C2orf76: variants seen among roughly 807,000 people sequenced by gnomAD.
C2orf76 encodes chromosome 2 open reading frame 76.
Under a neutral mutation model 16.9 loss-of-function variants are expected in C2orf76, and 23 were observed. The ratio of observed to expected loss-of-function variants is 1.36; its 90% confidence interval spans 0.98 to 1.93. The LOEUF is 1.93. C2orf76 is among the 30% of genes most tolerant of loss of function. C2orf76 has a pLI of 0.00. For missense variants in C2orf76, 152 were observed against 152.6 expected (o/e 1.00, Z 0.02); for synonymous variants, 48 against 52.3 (o/e 0.92, Z 0.35).
chr2:119,300,278 C>A (rs1395388506), downstream of C2orf76, among the ~76,000 whole-genome samples: 1 of 152,216 alleles, frequency 6.6e-6, no homozygotes, highest in African/African-American at 2.4e-5. Flanking sequence ...CCAAGAACCT[C>A]CCCAATCCTC....
chr2:119,300,210 A>G (rs1189041725), downstream of C2orf76, among the ~76,000 whole-genome samples: 1 of 152,228 alleles, frequency 6.6e-6, no homozygotes, highest in Non-Finnish European at 1.5e-5. Flanking sequence ...ATGAGATAAC[A>G]TATGTAAATT....
intron 2 of C2orf76, among the ~76,000 whole-genome samples, chr2:119,333,942 C>A (rs1013922109): frequency 6.6e-6 from 1 of 152,106 alleles, no homozygotes; most frequent in East Asian, 1.9e-4. Context: ...GTGTTCAATG[C>A]ATGTTTCTCT....
chr2:119,297,325 A>G (rs886464063), downstream of C2orf76, among the ~76,000 whole-genome samples: 1 of 152,240 alleles, frequency 6.6e-6, no homozygotes, highest in Non-Finnish European at 1.5e-5. Flanking sequence ...CTTCTCAACC[A>G]TCTTTAAGAG....
chr2:119,289,655 C>T, the C2orf76 span, among the ~76,000 whole-genome samples: 1 of 151,106 alleles, frequency 6.6e-6, no homozygotes, highest in African/African-American at 2.4e-5. Context: ...CACTGCACTC[C>T]AGCCTGGCGA....
chr2:119,341,184 G>A (rs1295788621), intron 1 of C2orf76, among the ~76,000 whole-genome samples: 2 of 151,972 alleles, frequency 1.3e-5, no homozygotes, highest in African/African-American at 4.8e-5. Context: ...ATCTTGTTTT[G>A]TTTTGTTTGA....
chr2:119,343,541 T>C (rs754033502), intron 1 of C2orf76, among the ~76,000 whole-genome samples: 6 of 151,912 alleles, frequency 3.9e-5, no homozygotes, highest in Non-Finnish European at 8.8e-5. Flanking sequence ...TGCAGCCCAG[T>C]GTCCCTAAGA....
intron 1 of C2orf76, among the ~76,000 whole-genome samples, chr2:119,340,651 G>A (rs572674675): frequency 6.6e-6 from 1 of 152,038 alleles, no homozygotes; most frequent in Admixed American, 6.6e-5. Flanking sequence ...AAGATGAGAA[G>A]ACTGACTTGG....
intron 1 of C2orf76, among the ~76,000 whole-genome samples, chr2:119,356,470 G>T (rs373606779): frequency 6.6e-6 from 1 of 150,910 alleles, no homozygotes; most frequent in Non-Finnish European, 1.5e-5. Flanking sequence ...GCACTGTGAA[G>T]AGGAAAATGT....
chr2:119,338,485 T>G (rs1679921181), intron 2 of C2orf76, among the ~76,000 whole-genome samples: 1 of 152,152 alleles, frequency 6.6e-6, no homozygotes, highest in Admixed American at 6.5e-5. Context: ...CTCTAAAATT[T>G]TACTGTTCTT....
chr2:119,366,330 A>C (rs927109504), intron 1 of C2orf76: 1 of 431,600 alleles, frequency 2.3e-6, no homozygotes, highest in African/African-American at 2.1e-5. Flanking sequence ...CAAGACAAAT[A>C]AGACACCGTC....
chr2:119,331,088 T>C (rs1679664483), intron 2 of C2orf76, among the ~76,000 whole-genome samples: 1 of 152,204 alleles, frequency 6.6e-6, no homozygotes, highest in Admixed American at 6.5e-5. Flanking sequence ...CCTGTTAAGT[T>C]CTGATTTGAT....
chr2:119,334,947 C>T (rs1361829202), intron 2 of C2orf76, among the ~76,000 whole-genome samples: 3 of 152,080 alleles, frequency 2.0e-5, no homozygotes, highest in Non-Finnish European at 4.4e-5. Context: ...TGGGGATACA[C>T]TGCTATACCT....
Position 119,339,919 on chromosome 2 carries a change from C to A in C2orf76, c.41G>T (p.Arg14Leu). The change falls in exon 2 of 6, where the codon CGT becomes CTT. Residue 14 changes from arginine to leucine, a missense_variant. Arg to Leu is a moderately radical substitution (Grantham distance 102). Transcript: ENST00000334816. Reference protein sequence around the residue: ...GEVTITVRLIRSFEHRNFKPV... With the variant: ...GEVTITVRLILSFEHRNFKPV... ...TTTGAAATTGCGATGTTCAAAGGAACGGATGAGGCGAACTGTGATGGTCAC... is the reference window on the plus strand; with the variant it reads ...TTTGAAATTGCGATGTTCAAAGGAAAGGATGAGGCGAACTGTGATGGTCAC... 1.2e-6 allele frequency: 2 copies of A among 1,612,892 alleles called. No homozygotes were observed. The highest frequency in any genetic ancestry group is 1.7e-6 in the Non-Finnish European group (2 of 1,178,970).
intron 4 of C2orf76, among the ~76,000 whole-genome samples, chr2:119,316,098 T>C (rs1204749936): frequency 6.6e-6 from 1 of 152,250 alleles, no homozygotes; most frequent in Admixed American, 6.5e-5. Context: ...TTTAACTTTA[T>C]TTTATATTTG....
the C2orf76 span, among the ~76,000 whole-genome samples, chr2:119,288,364 T>G: frequency 6.6e-6 from 1 of 151,730 alleles, no homozygotes; most frequent in Admixed American, 6.6e-5. Context: ...CACCGTGGTC[T>G]CTATCTCCTG....
At chr2:119,354,706 G>T (rs1403323917) in intron 1 of C2orf76, among the ~76,000 whole-genome samples, 1 of 152,142 alleles carries the variant, frequency 6.6e-6, no homozygotes, top group East Asian at 1.9e-4. Context: ...TTTTGAGAAA[G>T]ATATTTTCAA....
At chr2:119,337,369 C>A (rs1456394907) in intron 2 of C2orf76, among the ~76,000 whole-genome samples, 1 of 152,048 alleles carries the variant, frequency 6.6e-6, no homozygotes, top group Non-Finnish European at 1.5e-5. Context: ...CTGCAGGTGG[C>A]CAGGCAAGCT....
intron 2 of C2orf76, among the ~76,000 whole-genome samples, chr2:119,332,208 T>C (rs960542663): frequency 3.9e-5 from 6 of 152,010 alleles, no homozygotes; most frequent in Non-Finnish European, 8.8e-5. Flanking sequence ...AAAATAGAAG[T>C]GGTACAATTT....
In C2orf76 at chr2:119,342,842, C is replaced by A. The variant is rs1573667052; in HGVS notation, c.-12-2871G>T. Among the ~76,000 whole-genome samples the A allele has an allele frequency of 2.0e-5, 3 of 152,004 alleles. No homozygotes were observed. In the South Asian group the frequency reaches 6.2e-4, roughly 31 times the overall value. On this transcript the variant is annotated intron_variant, in intron 1 of 5. Coordinates refer to ENST00000334816, the MANE Select transcript of C2orf76 (RefSeq NM_001322331.2). Reference sequence around the variant, plus strand: ...GTGGTGCCATCTTGGCTCACTGCAACGTCCCTCTCCCGGGTTCAAGCAACT... The same window carrying A: ...GTGGTGCCATCTTGGCTCACTGCAAAGTCCCTCTCCCGGGTTCAAGCAACT...
Sources: gnomAD v4.1 joint callset for allele counts (sites outside exome capture counted in the v4.1 genomes callset) on GRCh38, gnomAD v4.1.1 for gene constraint, MANE v1.5 for transcripts, NCBI Gene and HGNC (gene_info 2026-07-23, HGNC 2026-07-21) for gene names.